Variants in BCOR observed in about 807,000 individuals in gnomAD.
BCOR encodes the protein BCL6 corepressor.
Under a neutral mutation model 86.7 loss-of-function variants are expected in BCOR, and 10 were observed. That is an observed-to-expected ratio of 0.12 (90% CI 0.07 to 0.20). The LOEUF is 0.20. Among genes scored for constraint, BCOR ranks in the 10% least tolerant of loss-of-function variants. The probability of loss-of-function intolerance (pLI) is 1.00; values close to 1 mark genes in which losing one functional copy is unlikely to be tolerated. For missense variants in BCOR, 1,259 were observed against 1,452.1 expected (o/e 0.87, Z 2.16); for synonymous variants, 611 against 609.0 (o/e 1.00, Z -0.05).
intron 6 of BCOR, among the ~76,000 whole-genome samples, chrX:40,070,247 C>T (rs1208189476): frequency 2.7e-5 from 3 of 111,784 alleles, no homozygotes; most frequent in Non-Finnish European, 5.6e-5. Context: ...TGCAAGCAGA[C>T]CTAAAGCTTC....
intron 2 of BCOR, chrX:40,077,121 A>C (rs1428149989): frequency 4.0e-5 from 8 of 199,873 alleles, no homozygotes; most frequent in Admixed American, 7.2e-5. Flanking sequence ...GTATCATACA[A>C]ATGTCAGCTG....
rs1478651235 is a variant in BCOR at position 40,073,760 on chromosome X, T to C, written c.1586A>G (p.Asn529Ser). The change falls in exon 4 of 15, where the codon AAC (asparagine) becomes AGC (serine). Residue 529 changes from asparagine to serine, a missense_variant. Transcript: ENST00000378444. ...ENNGKSMSLK[N>S]KALDWAIPQQ... ...TGGTATCGCCCAGTCCAATGCCTTG[T>C]TTTTCAGCGACATGCTTTTGCCATT... 3 of 1,211,686 alleles carry C rather than the reference T, an allele frequency of 2.5e-6. No individual in the cohort carries two copies. The South Asian group carries it at 5.3e-5, about 21-fold the overall frequency.
At chrX:40,062,030 G>A (rs1245504629) in intron 10 of BCOR, 109 bp downstream of exon 10, 26 of 989,935 alleles carry the variant, frequency 2.6e-5, no homozygotes, top group Non-Finnish European at 3.3e-5. Context: ...GCCCAGCCCC[G>A]ATGTGGAGGG....
chrX:40,140,003 A>G (rs2147953025), intron 1 of BCOR, among the ~76,000 whole-genome samples: 1 of 110,015 alleles, frequency 9.1e-6, no homozygotes, highest in Admixed American at 9.8e-5. Context: ...CATGAACTTG[A>G]TGTCACCTGG....
rs2147275749 is a variant in BCOR at position 40,075,032 on chromosome X, G to A, written c.314C>T (p.Ala105Val). The change falls in exon 4 of 15, where the codon GCC becomes GTC. Residue 105 changes from alanine (A) to valine (V), a missense_variant. By Grantham distance (64) the Ala-to-Val change is moderately conservative (BLOSUM62 0). Around this residue, in one of 7 missense-constraint regions of BCOR, gnomAD observed 174 missense variants for 189.3 expected, o/e 0.92. Transcript: ENST00000378444. ...CCCAAGGCCACCTAGAGTGCTTGTG[G>A]CAGCCTCCCGACCTTTCTCTGAGCC... ...GLGSEKGREAATSTLGGLGFS... is the reference protein window; with the variant it reads ...GLGSEKGREAVTSTLGGLGFS... 1 of 1,205,738 alleles carries A rather than the reference G, an allele frequency of 8.3e-7. No individual in the cohort carries two copies. Among genetic ancestry groups the A allele is most frequent in the Non-Finnish European group, 1.1e-6 (1 of 892,282 alleles).
chrX:40,114,047 G>A (rs1250318080), intron 1 of BCOR, among the ~76,000 whole-genome samples: 1 of 111,706 alleles, frequency 9.0e-6, no homozygotes, highest in Admixed American at 9.5e-5. Flanking sequence ...TCGAACTCCT[G>A]ACCTCAGGTG....
chrX:40,052,582 GGA>G (rs1934374983), intron 14 of BCOR, among the ~76,000 whole-genome samples, 182 bp from the exon 15 acceptor site: 2 of 52,995 alleles, frequency 3.8e-5, no homozygotes, highest in Non-Finnish European at 3.1e-5. Flanking sequence ...TTTTTTTTTT[GGA>G]GACGGAATCT....
At chrX:40,062,629 C>T (rs777163005) in intron 9 of BCOR, 117 bp downstream of exon 9, 325 of 782,944 alleles carry the variant, frequency 4.2e-4, no homozygotes, top group Non-Finnish European at 5.1e-4. Context: ...AGGGGAGTGA[C>T]GTGTGGTGTG....
chrX:40,080,815 CGTGTGTGTGTGTGTGTGTGTGTGT>C lies in BCOR; in HGVS notation c.-40-2870_-40-2847del, dbSNP rs533981374. On this transcript the variant is annotated intron_variant, in intron 1 of 14. Coordinates refer to ENST00000378444, the MANE Select transcript of BCOR (RefSeq NM_001123385.2). ...TGAGGCTAGCAGAGCGGTTCACTGT[CGTGTGTGTGTGTGTGTGTGTGTGT>C]GTGTGTGTGTGTGTGTGTGTGTGTG... 1.8e-3 allele frequency among the ~76,000 whole-genome samples: 117 copies of C among 66,002 alleles called. 3 individuals are homozygous for C. Among genetic ancestry groups the C allele is most frequent in the Non-Finnish European group, 1.2e-3 (40 of 32,442 alleles). The allele number at this position is 66,002 out of a possible 115,157, so 57.3% of individuals were successfully genotyped here.
chrX:40,130,113 T>C (rs952006616), intron 1 of BCOR, among the ~76,000 whole-genome samples: 1 of 111,411 alleles, frequency 9.0e-6, no homozygotes, highest in Non-Finnish European at 1.9e-5. Flanking sequence ...TGACTCTGCC[T>C]CCCCTGCCCC....
At chrX:40,052,581 TGGA>T (rs1934374212) in intron 14 of BCOR, among the ~76,000 whole-genome samples, 181 bp from the exon 15 acceptor site, 1 of 58,144 alleles carries the variant, frequency 1.7e-5, no homozygotes, top group Non-Finnish European at 2.9e-5. Flanking sequence ...TTTTTTTTTT[TGGA>T]GACGGAATCT....
chrX:40,094,327 G>C (rs1419494287), intron 1 of BCOR, among the ~76,000 whole-genome samples: 1 of 112,475 alleles, frequency 8.9e-6, no homozygotes, highest in African/African-American at 3.2e-5. Flanking sequence ...AACAACACCC[G>C]CGAGAGCGCG....
chrX:40,102,616 C>CGCCTTCGGACCCAGTGTGCCG (rs1221287267), upstream of BCOR, among the ~76,000 whole-genome samples: 2 of 113,862 alleles, frequency 1.8e-5, no homozygotes, highest in African/African-American at 6.4e-5. Flanking sequence ...ACCAACTACT[C>CGCCTTCGGACCCAGTGTGCCG]GCCTTCGGAC....
intron 1 of BCOR, among the ~76,000 whole-genome samples, chrX:40,118,252 CTTT>C (rs1040800695): frequency 3.7e-5 from 4 of 109,483 alleles, no homozygotes; most frequent in Non-Finnish European, 7.6e-5. Flanking sequence ...TCAAGACATT[CTTT>C]TATTTATTTT....
At chrX:40,155,756 A>G (rs1056606943) in intron 1 of BCOR, among the ~76,000 whole-genome samples, 43 of 112,654 alleles carry the variant, frequency 3.8e-4, no homozygotes, top group Admixed American at 6.5e-4. Context: ...CCTGCCAGTG[A>G]TAATGTGCGA....
chrX:40,060,687 G>A (rs755584960), intron 10 of BCOR, among the ~76,000 whole-genome samples: 163 of 112,595 alleles, frequency 1.4e-3, no homozygotes, highest in Non-Finnish European at 2.3e-3. Context: ...CCTCATAGGC[G>A]CCGCTGCTCT....
chrX:40,080,958 T>C lies in BCOR; in HGVS notation c.-40-2989A>G, dbSNP rs1255393497. On this transcript the variant is annotated intron_variant, in intron 1 of 14. Coordinates refer to ENST00000378444, the MANE Select transcript of BCOR (RefSeq NM_001123385.2). ...CCTGCTGTGGACTTACGCACACACG[T>C]GCACGCACGCACACGCGCACACACA... 3.6e-3 allele frequency among the ~76,000 whole-genome samples: 287 copies of C among 79,647 alleles called. 2 individuals are homozygous for C. Among genetic ancestry groups the C allele is most frequent in the African/African-American group, 0.012 (256 of 21,612 alleles). 69.2% of individuals were successfully genotyped at this position (79,647 alleles called of 115,157 possible). A position where few individuals can be genotyped will look rare whatever the true frequency, so the allele number is the denominator to read the frequency against.
At chrX:40,122,999 A>G (rs1937508122) in intron 1 of BCOR, among the ~76,000 whole-genome samples, 1 of 111,197 alleles carries the variant, frequency 9.0e-6, no homozygotes, top group Non-Finnish European at 1.9e-5. Context: ...CAGAGCCGTT[A>G]TCACATCTGA....
chrX:40,140,657 C>G (rs1348422366), intron 1 of BCOR, among the ~76,000 whole-genome samples: 4 of 112,380 alleles, frequency 3.6e-5, no homozygotes, highest in African/African-American at 1.3e-4. Flanking sequence ...TTTCCCCGAG[C>G]CACCCCAACA....
Sources: allele counts gnomAD v4.1 joint callset (sites outside exome capture counted in the v4.1 genomes callset), GRCh38; gene constraint gnomAD v4.1.1; regional missense constraint gnomAD v4.1.1; transcripts MANE v1.5; gene names NCBI Gene and HGNC (gene_info 2026-07-23, HGNC 2026-07-21).